SNTG1: variants seen among roughly 807,000 people sequenced by gnomAD.
SNTG1 encodes gamma-1-syntrophin.
Under a neutral mutation model 74.7 loss-of-function variants are expected in SNTG1, and 39 were observed. The observed-to-expected ratio is 0.52, with a 90% CI of 0.40 to 0.68. The LOEUF is 0.68. Among genes scored for constraint, SNTG1 ranks in the 30% least tolerant of loss-of-function variants. The probability of loss-of-function intolerance (pLI) is 0.00; values close to 1 mark genes in which losing one functional copy is unlikely to be tolerated. For missense variants in SNTG1, 685 were observed against 609.5 expected, an observed-to-expected ratio of 1.12 and a Z score of -1.30; for synonymous variants, 254 against 217.1, an observed-to-expected ratio of 1.17 and a Z score of -1.49.
intron 1 of SNTG1, among the ~76,000 whole-genome samples, chr8:50,136,918 C>T (rs1034868650): frequency 6.6e-6 from 1 of 152,010 alleles, no homozygotes; most frequent in East Asian, 1.9e-4. Context: ...AAAACCAACA[C>T]ATTTTAACTC....
intron 2 of SNTG1, among the ~76,000 whole-genome samples, chr8:50,176,121 T>G (rs756006086): frequency 6.0e-5 from 9 of 151,140 alleles, no homozygotes; most frequent in Non-Finnish European, 8.8e-5. Context: ...TAATACATAG[T>G]TTTTTTTTGC....
intron 1 of SNTG1, among the ~76,000 whole-genome samples, chr8:50,149,845 C>T (rs1209891632): frequency 6.6e-6 from 1 of 152,058 alleles, no homozygotes; most frequent in African/African-American, 2.4e-5. Flanking sequence ...CAGCTTTGTT[C>T]TTTTGGCTTA....
At chr8:50,005,945 A>T (rs1258159073) in intron 1 of SNTG1, among the ~76,000 whole-genome samples, 2 of 106,966 alleles carry the variant, frequency 1.9e-5, no homozygotes, top group Admixed American at 9.5e-5. Flanking sequence ...TTTCATTTCC[A>T]TTACTTGCAC....
chr8:50,283,840 A>G (rs141305068), intron 2 of SNTG1, among the ~76,000 whole-genome samples: 15 of 152,230 alleles, frequency 9.9e-5, no homozygotes, highest in African/African-American at 3.6e-4. Flanking sequence ...ATTTTATAAG[A>G]TTTTCAGATT....
At chr8:50,292,397 C>T (rs1360302567) in intron 2 of SNTG1, among the ~76,000 whole-genome samples, 1 of 152,128 alleles carries the variant, frequency 6.6e-6, no homozygotes, top group African/African-American at 2.4e-5. Context: ...GTCAATGATG[C>T]TGCGGTCCTG....
At chr8:50,685,911 T>A (rs61557559) in intron 15 of SNTG1, among the ~76,000 whole-genome samples, 2 of 152,154 alleles carry the variant, frequency 1.3e-5, no homozygotes, top group African/African-American at 4.8e-5. Context: ...TTATATATAT[T>A]GTATTCTACC....
chr8:50,784,169 C>A (rs1476758109), intron 18 of SNTG1, among the ~76,000 whole-genome samples: 1 of 152,110 alleles, frequency 6.6e-6, no homozygotes, highest in Non-Finnish European at 1.5e-5. Flanking sequence ...GGAGTTATCT[C>A]ATTAACATTT....
At chr8:49,980,191 T>C (rs1399048461) in intron 1 of SNTG1, among the ~76,000 whole-genome samples, 1 of 152,192 alleles carries the variant, frequency 6.6e-6, no homozygotes, top group Non-Finnish European at 1.5e-5. Flanking sequence ...CTCCAGCGCC[T>C]GGCAGCCACT....
intron 13 of SNTG1, among the ~76,000 whole-genome samples, chr8:50,619,539 G>A (rs144750994): frequency 4.6e-5 from 7 of 152,096 alleles, no homozygotes; most frequent in African/African-American, 1.4e-4. Context: ...AGACCATCCC[G>A]GCTAACACGG....
intron 8 of SNTG1, among the ~76,000 whole-genome samples, chr8:50,456,807 T>C (rs745569900): frequency 6.6e-6 from 1 of 152,040 alleles, no homozygotes; most frequent in Non-Finnish European, 1.5e-5. Context: ...GAGAGGAGTC[T>C]AAAAACAGGA....
chr8:49,945,402 C>A (rs1456884225), intron 1 of SNTG1, among the ~76,000 whole-genome samples: 2 of 152,122 alleles, frequency 1.3e-5, no homozygotes. Context: ...GTAGTGTGGT[C>A]CATCGTAGGG....
Position 50,752,045 on chromosome 8 carries a change from A to G in SNTG1, c.1329A>G (p.Ser443=). The change falls in exon 18 of 19, where the codon TCA becomes TCG. Residue 443 remains serine (S), a synonymous_variant. Coordinates refer to ENST00000642720, the MANE Select transcript of SNTG1 (RefSeq NM_018967.5). The part of the protein sequence containing the change: ...RYKFSQLKGS[S]DDGKSKIKFL... The stretch of plus-strand genomic sequence containing the variant: ...AATTCTCTCAGCTTAAAGGTTCTTC[A>G]GATGATGGCAAGAGCAAAATCAAAT... 1.3e-6 allele frequency: 2 copies of G among 1,569,882 alleles called. No homozygotes were observed. The highest frequency in any genetic ancestry group is 1.7e-6 in the Non-Finnish European group (2 of 1,161,962).
chr8:50,176,796 G>A (rs1343455680), intron 2 of SNTG1, among the ~76,000 whole-genome samples: 4 of 152,154 alleles, frequency 2.6e-5, no homozygotes, highest in African/African-American at 9.7e-5. Context: ...TCTCTTAGTT[G>A]AGAAAAGTCT....
At chr8:50,008,525 C>T (rs1027700266) in intron 1 of SNTG1, among the ~76,000 whole-genome samples, 2 of 151,802 alleles carry the variant, frequency 1.3e-5, no homozygotes, top group Non-Finnish European at 2.9e-5. Context: ...TATGTGGGCA[C>T]ATGGATGGAT....
chr8:50,421,052 A>T (rs11781133), intron 4 of SNTG1, among the ~76,000 whole-genome samples: 634 of 17,128 alleles, frequency 0.037, 28 homozygotes, highest in Non-Finnish European at 0.054. Flanking sequence ...TGGGCGGGGG[A>T]GGGGGGGGCG....
At chr8:50,149,532 A>G (rs561059939) in intron 1 of SNTG1, among the ~76,000 whole-genome samples, 24 of 152,270 alleles carry the variant, frequency 1.6e-4, no homozygotes, top group African/African-American at 5.5e-4. Context: ...CAGGTCTAAC[A>G]TTTAAGTCTT....
At chr8:50,409,559 T>C (rs1023945579) in intron 4 of SNTG1, among the ~76,000 whole-genome samples, 4 of 152,308 alleles carry the variant, frequency 2.6e-5, no homozygotes, top group Admixed American at 1.3e-4. Flanking sequence ...GTCAGATAGA[T>C]GTGTTAAAGC....
intron 13 of SNTG1, among the ~76,000 whole-genome samples, chr8:50,629,020 C>A (rs1457128280): frequency 6.6e-6 from 1 of 152,044 alleles, no homozygotes; most frequent in Admixed American, 6.6e-5. Context: ...AAGCTAAAAA[C>A]CTTGAAATCA....
chr8:50,555,852 C>T (rs2130635248), intron 12 of SNTG1, among the ~76,000 whole-genome samples: 1 of 152,086 alleles, frequency 6.6e-6, no homozygotes, highest in African/African-American at 2.4e-5. Context: ...AATGATGAAT[C>T]ACATTTTATT....
Sources: allele counts gnomAD v4.1 joint callset (sites outside exome capture counted in the v4.1 genomes callset), GRCh38; gene constraint gnomAD v4.1.1; transcripts MANE v1.5; gene names NCBI Gene and HGNC (gene_info 2026-07-23, HGNC 2026-07-21).